Variants in SYT14 observed in about 807,000 individuals in gnomAD.
SYT14 encodes the protein synaptotagmin 14.
SYT14 carries 32 observed loss-of-function variants against 74.2 expected under a neutral mutation model. The observed-to-expected ratio is 0.43, with a 90% CI of 0.33 to 0.58. The LOEUF is 0.58. SYT14 is among the 20% of genes least tolerant of loss of function. SYT14 has a pLI of 0.05. For missense variants in SYT14, 791 were observed against 981.8 expected (o/e 0.81, Z 2.60); for synonymous variants, 298 against 337.7 (o/e 0.88, Z 1.29).
intron 5 of SYT14, among the ~76,000 whole-genome samples, chr1:210,092,300 G>A (rs985643929): frequency 6.6e-6 from 1 of 152,056 alleles, no homozygotes; most frequent in Non-Finnish European, 1.5e-5. Flanking sequence ...ACTTGTCACT[G>A]TATGGTCACA....
intron 5 of SYT14, among the ~76,000 whole-genome samples, chr1:210,051,059 C>T (rs541901544): frequency 3.9e-5 from 6 of 152,270 alleles, no homozygotes; most frequent in African/African-American, 1.2e-4. Flanking sequence ...TTTGATACCA[C>T]GCATTCAATC....
At chr1:210,122,621 A>G (rs1466584902) in intron 7 of SYT14, among the ~76,000 whole-genome samples, 2 of 147,496 alleles carry the variant, frequency 1.4e-5, no homozygotes, top group African/African-American at 5.0e-5. Flanking sequence ...TTTTTTTACA[A>G]TTCTTTTTAA....
At chr1:209,977,116 G>T (rs952197859) in intron 2 of SYT14, among the ~76,000 whole-genome samples, 6 of 152,066 alleles carry the variant, frequency 3.9e-5, no homozygotes, top group African/African-American at 1.4e-4. Context: ...ACGTGAGATG[G>T]GTTCCCTGAA....
intron 8 of SYT14, 134 bp downstream of exon 7, chr1:210,156,044 A>G (rs938503594): frequency 4.6e-6 from 4 of 860,962 alleles, no homozygotes; most frequent in East Asian, 5.3e-5. Context: ...AATCTGTTTC[A>G]TGTTTTCTAT....
intron 2 of SYT14, among the ~76,000 whole-genome samples, chr1:209,990,613 TTTC>T (rs1449105223): frequency 3.4e-5 from 3 of 89,034 alleles, no homozygotes; most frequent in African/African-American, 9.7e-5. Flanking sequence ...TGTGTTGCTT[TTTC>T]TTATCATATG....
chr1:209,982,278 C>G (rs1172688661), intron 2 of SYT14, among the ~76,000 whole-genome samples: 2 of 152,118 alleles, frequency 1.3e-5, no homozygotes, highest in South Asian at 2.1e-4. Context: ...ACCTCAGCCC[C>G]CAGAGTAGCC....
rs116809179 is a variant in SYT14, at chr1:210,060,636, A to G, written c.1313-33686A>G. Reference sequence around the variant, plus strand: ...TTGGTTGTACTTGTGGGCAAAAAATATGGAAATTTAAAGGGAAACAGCCCT... The same window carrying G: ...TTGGTTGTACTTGTGGGCAAAAAATGTGGAAATTTAAAGGGAAACAGCCCT... On this transcript the variant is annotated intron_variant, in intron 5 of 9. Coordinates refer to ENST00000637265, the Ensembl canonical transcript of SYT14. Among the ~76,000 whole-genome samples the G allele has an allele frequency of 3.3e-3, 496 of 152,168 alleles. 5 individuals carry two copies. Among genetic ancestry groups the G allele is most frequent in the African/African-American group, 0.012 (481 of 41,558 alleles).
intron 7 of SYT14, among the ~76,000 whole-genome samples, chr1:210,124,992 G>T (rs2082539462): frequency 6.6e-6 from 1 of 152,048 alleles, no homozygotes; most frequent in African/African-American, 2.4e-5. Context: ...AGTGAAGGCA[G>T]AGGCCATTTT....
chr1:210,097,711 C>T (rs1010026650), intron 6 of SYT14, among the ~76,000 whole-genome samples: 1 of 152,130 alleles, frequency 6.6e-6, no homozygotes, highest in Admixed American at 6.5e-5. Flanking sequence ...TACATTAACA[C>T]ATTTTGCTCT....
At chr1:209,946,953 C>G (rs2078832747) in intron 1 of SYT14, among the ~76,000 whole-genome samples, 1 of 152,176 alleles carries the variant, frequency 6.6e-6, no homozygotes, top group African/African-American at 2.4e-5. Flanking sequence ...GCTAAATGTG[C>G]TCTGTGTGTG....
chr1:209,998,905 C>CA (rs1254720581), intron 2 of SYT14, among the ~76,000 whole-genome samples: 6 of 152,018 alleles, frequency 3.9e-5, no homozygotes, highest in Non-Finnish European at 8.8e-5. Flanking sequence ...GCTAAGACCT[C>CA]AAAAGCACAA....
chr1:210,116,097 T>A (rs573500199), intron 7 of SYT14, among the ~76,000 whole-genome samples: 1 of 152,048 alleles, frequency 6.6e-6, no homozygotes, highest in Admixed American at 6.5e-5. Flanking sequence ...TTTCACAAGG[T>A]AATGTCATCA....
At position 210,010,957 on chromosome 1, in the gene SYT14, T is replaced by G. The variant is rs1261952727; in HGVS notation, c.-485-2676T>G. ...AAAGTGCTTAAAACAGTGAGTGGTG[T>G]ATAGTATCTGCTGTATGGTTTTGTG... On this transcript the variant is annotated intron_variant, in intron 2 of 9. Transcript: ENST00000637265. Among the ~76,000 whole-genome samples the G allele has an allele frequency of 1.3e-5, 2 of 152,196 alleles. 1 individual carries two copies. The highest frequency in any genetic ancestry group is 3.8e-4 in the East Asian group (2 of 5,196).
At chr1:210,169,221 G>GTTTTTTTTTTTTTTTTTTTT (rs35974726) in exon 10 of SYT14, 5 of 50,246 alleles carry the variant, frequency 1.0e-4, no homozygotes, top group African/African-American at 2.3e-4. Flanking sequence ...TGTTTTTGGT[G>GTTTTTTTTTTTTTTTTTTTT]TTTTTTTTTT....
chr1:210,015,042 A>G (rs2080155944), intron 3 of SYT14, among the ~76,000 whole-genome samples: 1 of 150,106 alleles, frequency 6.7e-6, no homozygotes, highest in Non-Finnish European at 1.5e-5. Context: ...TTTTTAAAAA[A>G]ACAAGACTAT....
intron 5 of SYT14, among the ~76,000 whole-genome samples, chr1:210,037,012 T>C (rs1441951681): frequency 6.6e-6 from 1 of 152,048 alleles, no homozygotes; most frequent in Admixed American, 6.6e-5. Flanking sequence ...TGGTATCAGT[T>C]CTTTGTATGT....
chr1:210,128,905 C>T (rs1197122236), intron 7 of SYT14, among the ~76,000 whole-genome samples: 1 of 152,148 alleles, frequency 6.6e-6, no homozygotes, highest in Non-Finnish European at 1.5e-5. Context: ...GGAATAAGTT[C>T]TGAGGACATA....
At position 210,082,629 on chromosome 1, in the gene SYT14, T is replaced by A. The variant is rs901213811; in HGVS notation, c.1313-11693T>A. Among the ~76,000 whole-genome samples the A allele has an allele frequency of 3.0e-4, 46 of 152,230 alleles. 1 individual carries two copies. Among genetic ancestry groups the A allele is most frequent in the African/African-American group, 9.9e-4 (41 of 41,472 alleles). ...TAATTATCATCCAATATATGCCAAC[T>A]TTTGTTAAAGATGGTTTGCAGCTGG... On this transcript the variant is annotated intron_variant, in intron 5 of 9. Transcript: ENST00000637265.
intron 2 of SYT14, 67 bp from the exon 3 acceptor site, chr1:210,013,566 G>T (rs150049680): frequency 7.0e-7 from 1 of 1,432,692 alleles, no homozygotes; most frequent in African/African-American, 1.4e-5. Flanking sequence ...TAATGTTTGG[G>T]GTTTCCTTCT....
Sources: gnomAD v4.1 joint callset for allele counts (sites outside exome capture counted in the v4.1 genomes callset) on GRCh38, gnomAD v4.1.1 for gene constraint, MANE v1.5 for transcripts, NCBI Gene and HGNC (gene_info 2026-07-23, HGNC 2026-07-21) for gene names.